THTPA: variants seen among roughly 807,000 people sequenced by gnomAD.
THTPA encodes the protein thiamine triphosphatase.
THTPA carries 16 observed loss-of-function variants against 16.5 expected under a neutral mutation model. The observed-to-expected ratio is 0.97, with a 90% CI of 0.66 to 1.47. The LOEUF (loss-of-function observed/expected upper bound fraction) is 1.47. Among genes scored for constraint, THTPA ranks in the 40% most tolerant of loss-of-function variants. The probability of loss-of-function intolerance (pLI) is 0.00; values close to 1 mark genes in which losing one functional copy is unlikely to be tolerated. For synonymous variants in THTPA, 110 were observed against 115.5 expected, an observed-to-expected ratio of 0.95 and a Z score of 0.30; for missense variants, 281 against 280.9, an observed-to-expected ratio of 1.00 and a Z score of 0.00.
the THTPA span, among the ~76,000 whole-genome samples, chr14:23,537,149 C>T: frequency 5.9e-5 from 9 of 152,016 alleles, no homozygotes; most frequent in South Asian, 2.1e-4. Flanking sequence ...AATGAAACTC[C>T]GTCTCACCAA....
At chr14:23,517,526 G>A in the THTPA span, among the ~76,000 whole-genome samples, 1 of 152,284 alleles carries the variant, frequency 6.6e-6, no homozygotes, top group South Asian at 2.1e-4. Flanking sequence ...CTGACTGGTT[G>A]CTTCTGAGAG....
chr14:23,518,478 G>T, the THTPA span, among the ~76,000 whole-genome samples: 1 of 152,208 alleles, frequency 6.6e-6, no homozygotes, highest in Non-Finnish European at 1.5e-5. The surrounding 1 kb of genome is among the most constrained non-coding windows in gnomAD (Gnocchi z 4.5). Context: ...GTCTTGTTTG[G>T]CCATTAAGGC....
chr14:23,533,947 C>T, the THTPA span: 7 of 1,538,020 alleles, frequency 4.6e-6, no homozygotes, highest in Non-Finnish European at 6.1e-6. The surrounding 1 kb of genome is among the most constrained non-coding windows in gnomAD (Gnocchi z 4.8). Context: ...CTTGTAGTGC[C>T]AGTTGCACTT....
At chr14:23,531,403 A>C in the THTPA span, 1 of 1,331,016 alleles carries the variant, frequency 7.5e-7, no homozygotes. Flanking sequence ...TTGTATCTCT[A>C]ACTCCGCAGC....
rs1271128131 is a variant in THTPA, at chr14:23,558,882, C to T, written c.*42C>T. On this transcript the variant is annotated 3_prime_UTR_variant, in exon 2 of 2. Coordinates refer to ENST00000288014, the MANE Select transcript of THTPA (RefSeq NM_024328.6). The stretch of plus-strand genomic sequence containing the variant: ...AAGGGGAAGGGAACTCTGGGTCTAA[C>T]GGAGTCCACTCCTGGGCCCACTGTG... 12 of 1,610,754 alleles carry T rather than the reference C, an allele frequency of 7.4e-6. No individual in the cohort carries two copies. Among genetic ancestry groups the T allele is most frequent in the South Asian group, 3.3e-5 (3 of 90,856 alleles).
upstream of THTPA, among the ~76,000 whole-genome samples, chr14:23,553,911 A>C (rs763992382): frequency 6.6e-6 from 1 of 151,780 alleles, no homozygotes; most frequent in African/African-American, 2.4e-5. Context: ...CAAACAAACA[A>C]AAATTAGGAG....
At chr14:23,525,517 C>T in the THTPA span, 1 of 1,535,728 alleles carries the variant, frequency 6.5e-7, no homozygotes, top group South Asian at 1.2e-5. This position sits in a 1 kb window ranked among gnomAD's most constrained non-coding sequence, Gnocchi z 5.9. Flanking sequence ...TGTCCCCACC[C>T]CCGAGGGCCT....
At chr14:23,524,941 C>A in the THTPA span, 1 of 1,536,276 alleles carries the variant, frequency 6.5e-7, no homozygotes, top group East Asian at 2.4e-5. This position sits in a 1 kb window ranked among gnomAD's most constrained non-coding sequence, Gnocchi z 5.6. Context: ...CGGAGGCTCC[C>A]CCAGTGCCTC....
chr14:23,532,706 A>C, the THTPA span: 1 of 1,533,622 alleles, frequency 6.5e-7, no homozygotes, highest in South Asian at 1.2e-5. Flanking sequence ...CCCATCTCCC[A>C]GGGATGCTGG....
rs747620514 is a variant in THTPA, at chr14:23,557,158, G to C, written c.401G>C (p.Gly134Ala). 1.2e-6 allele frequency: 2 copies of C among 1,614,182 alleles called. No homozygotes were observed. The highest frequency in any genetic ancestry group is 1.1e-5 in the South Asian group (1 of 91,084). ...AGTGCCTGGAAGCTGGTGCTCTTGG[G>C]AGCTGATGAAGAGGAGCCACAGCTC... ...KRSAWKLVLLGADEEEPQLRV... is the reference protein window; with the variant it reads ...KRSAWKLVLLAADEEEPQLRV... The change falls in exon 1 of 2, where the codon GGA (glycine) becomes GCA (alanine). Residue 134 changes from glycine to alanine, a missense_variant. Gly to Ala is a moderately conservative substitution (Grantham distance 60). Transcript: ENST00000288014.
At chr14:23,524,546 C>T in the THTPA span, 63 of 1,529,200 alleles carry the variant, frequency 4.1e-5, no homozygotes, top group Non-Finnish European at 5.2e-5. The surrounding 1 kb of genome is among the most constrained non-coding windows in gnomAD (Gnocchi z 5.6). Flanking sequence ...GGGGGGAGCA[C>T]TGGGCTGCAG....
chr14:23,534,951 C>T, the THTPA span: 21 of 1,536,004 alleles, frequency 1.4e-5, no homozygotes, highest in African/African-American at 2.7e-4. This position sits in a 1 kb window ranked among gnomAD's most constrained non-coding sequence, Gnocchi z 4.5. Flanking sequence ...ACAGCTTGGC[C>T]ACTAGGTAGG....
chr14:23,556,831 TGGG>T lies in THTPA; in HGVS notation c.78_80del (p.Gly27del). On this transcript the variant is annotated inframe_deletion, in exon 1 of 2. Coordinates refer to ENST00000288014, the MANE Select transcript of THTPA (RefSeq NM_024328.6). ...GGCACAGAGGAGCGGCTGCAGGAGTTGGGGGGCACCCTGGAGTACCGGGTCACC... is the reference window on the plus strand; with the variant it reads ...GGCACAGAGGAGCGGCTGCAGGAGTTGGGCACCCTGGAGTACCGGGTCACC... 6.2e-7 allele frequency: 1 copy of T among 1,613,310 alleles called. No individual in the cohort carries two copies. The highest frequency in any genetic ancestry group is 1.1e-5 in the South Asian group (1 of 90,950).
the THTPA span, chr14:23,529,534 T>C: frequency 1.5e-6 from 1 of 647,246 alleles, no homozygotes; most frequent in Non-Finnish European, 2.7e-6. Context: ...CTGGGCCAGC[T>C]CTGCCCCCGA....
chr14:23,545,046 CT>C, the THTPA span, among the ~76,000 whole-genome samples: 1 of 152,086 alleles, frequency 6.6e-6, no homozygotes, highest in South Asian at 2.1e-4. Context: ...TTTTTCTCCT[CT>C]AGTCAATTTG....
At chr14:23,526,839 T>C in the THTPA span, 12 of 1,527,092 alleles carry the variant, frequency 7.9e-6, no homozygotes, top group Non-Finnish European at 1.1e-5. Context: ...TGCTGTTCCA[T>C]TCCTTACCTG....
the THTPA span, chr14:23,524,657 G>GTAGCCT: frequency 6.5e-7 from 1 of 1,536,362 alleles, no homozygotes; most frequent in Non-Finnish European, 8.7e-7. This position sits in a 1 kb window ranked among gnomAD's most constrained non-coding sequence, Gnocchi z 5.6. Context: ...AGGTGATGGA[G>GTAGCCT]TAGCCTTCTC....
At chr14:23,534,495 T>C in the THTPA span, 4 of 1,536,110 alleles carry the variant, frequency 2.6e-6, no homozygotes, top group Admixed American at 7.8e-5. The surrounding 1 kb of genome is among the most constrained non-coding windows in gnomAD (Gnocchi z 4.5). Flanking sequence ...CCTCCTGGAG[T>C]ACAGCTGGGC....
the THTPA span, chr14:23,529,792 T>G: frequency 6.5e-7 from 1 of 1,534,962 alleles, no homozygotes; most frequent in South Asian, 1.2e-5. Context: ...AAGAGGAGAT[T>G]AAGGAACCCT....
Sources: gnomAD v4.1 joint callset for allele counts (sites outside exome capture counted in the v4.1 genomes callset) on GRCh38, gnomAD v4.1.1 for gene constraint, Gnocchi (gnomAD v3.1) non-coding constraint, MANE v1.5 for transcripts, NCBI Gene and HGNC (gene_info 2026-07-23, HGNC 2026-07-21) for gene names.